Variants in CEP15 observed in about 807,000 individuals in gnomAD.
CEP15 encodes the protein centrosomal protein 15 kDa.
chr3:62,335,227 C>G, the CEP15 span: 1 of 151,810 alleles, frequency 6.6e-6, no homozygotes, highest in Non-Finnish European at 1.5e-5. Context: ...TTTTTTTCTC[C>G]CTAAAACTGA....
chr3:62,319,574 T>A, the CEP15 span: 1 of 152,250 alleles, frequency 6.6e-6, no homozygotes, highest in African/African-American at 2.4e-5. Context: ...CTACACTCAA[T>A]AAGCGTGGGC....
chr3:62,324,440 T>C, the CEP15 span, among the ~76,000 whole-genome samples: 2 of 152,138 alleles, frequency 1.3e-5, no homozygotes, highest in Non-Finnish European at 2.9e-5. Flanking sequence ...TTGCAGAATT[T>C]TGAGTTGGTA....
At chr3:62,323,917 C>T in the CEP15 span, 2 of 152,172 alleles carry the variant, frequency 1.3e-5, no homozygotes, top group African/African-American at 4.8e-5. Flanking sequence ...ATTTATTGAG[C>T]ATCTATTATA....
chr3:62,327,577 T>C, the CEP15 span, among the ~76,000 whole-genome samples: 4 of 152,178 alleles, frequency 2.6e-5, no homozygotes, highest in East Asian at 5.8e-4. Flanking sequence ...TTTTGGAACG[T>C]TGGCAGTCAT....
chr3:62,325,992 C>A, the CEP15 span, among the ~76,000 whole-genome samples: 1 of 149,220 alleles, frequency 6.7e-6, no homozygotes, highest in Non-Finnish European at 1.5e-5. Context: ...CCACTGCACT[C>A]CAGCCTGGGG....
the CEP15 span, among the ~76,000 whole-genome samples, chr3:62,327,274 A>G: frequency 6.6e-6 from 1 of 152,246 alleles, no homozygotes; most frequent in Non-Finnish European, 1.5e-5. Context: ...ATTTTCTAGT[A>G]ACCACTTTTA....
chr3:62,325,117 G>A, the CEP15 span, among the ~76,000 whole-genome samples: 48 of 152,236 alleles, frequency 3.2e-4, no homozygotes, highest in African/African-American at 1.2e-3. Flanking sequence ...TTAACAAGGG[G>A]TTTGCCTGAT....
chr3:62,333,522 T>G, the CEP15 span: 1 of 1,062,754 alleles, frequency 9.4e-7, no homozygotes, highest in Non-Finnish European at 1.3e-6. The surrounding 1 kb of genome is among the most constrained non-coding windows in gnomAD (Gnocchi z 4.0). Flanking sequence ...AGTGAAGATA[T>G]GAGAATTTAC....
chr3:62,328,569 T>G, the CEP15 span, among the ~76,000 whole-genome samples: 1 of 152,198 alleles, frequency 6.6e-6, no homozygotes, highest in Admixed American at 6.5e-5. Context: ...AATGTTCTAG[T>G]GGCAAGTCTA....
chr3:62,328,225 T>TA, the CEP15 span, among the ~76,000 whole-genome samples: 3 of 152,356 alleles, frequency 2.0e-5, no homozygotes, highest in East Asian at 5.8e-4. Flanking sequence ...ATTGCAGATT[T>TA]AAATTAAAAT....
chr3:62,333,125 C>T, the CEP15 span: 1 of 803,086 alleles, frequency 1.2e-6, no homozygotes. The surrounding 1 kb of genome is among the most constrained non-coding windows in gnomAD (Gnocchi z 4.0). Context: ...ATGCATTCTA[C>T]ATATATGTGT....
the CEP15 span, among the ~76,000 whole-genome samples, chr3:62,331,599 A>G: frequency 1.3e-5 from 2 of 152,274 alleles, no homozygotes; most frequent in African/African-American, 4.8e-5. Flanking sequence ...CTTGATTTTA[A>G]AAAGTTTAGC....
the CEP15 span, among the ~76,000 whole-genome samples, chr3:62,326,232 C>T: frequency 6.6e-6 from 1 of 152,092 alleles, no homozygotes; most frequent in Non-Finnish European, 1.5e-5. Flanking sequence ...CCAAGATGGT[C>T]GGTGACTTAC....
the CEP15 span, chr3:62,333,443 G>A: frequency 5.4e-5 from 85 of 1,566,700 alleles, no homozygotes; most frequent in Non-Finnish European, 6.7e-5. The surrounding 1 kb of genome is among the most constrained non-coding windows in gnomAD (Gnocchi z 4.0). Context: ...ATGTTAAGGT[G>A]TATGTAGGTT....
the CEP15 span, among the ~76,000 whole-genome samples, chr3:62,325,804 C>T: frequency 2.6e-4 from 39 of 152,122 alleles, 1 homozygote; most frequent in East Asian, 6.2e-3. Flanking sequence ...GAGGCCAAGG[C>T]GGGCAGATCA....
At chr3:62,327,608 T>C in the CEP15 span, among the ~76,000 whole-genome samples, 7 of 152,208 alleles carry the variant, frequency 4.6e-5, no homozygotes, top group African/African-American at 1.7e-4. Flanking sequence ...TGCCTAGATA[T>C]ATTCATTAGA....
At chr3:62,333,148 G>A in the CEP15 span, 1 of 921,384 alleles carries the variant, frequency 1.1e-6, no homozygotes, top group Non-Finnish European at 1.7e-6. This position sits in a 1 kb window ranked among gnomAD's most constrained non-coding sequence, Gnocchi z 4.0. Context: ...GTGTGTGTGT[G>A]TGTATACACG....
the CEP15 span, chr3:62,335,645 C>T: frequency 5.3e-5 from 8 of 152,058 alleles, no homozygotes; most frequent in African/African-American, 1.9e-4. Flanking sequence ...AAGGAAATGT[C>T]ATCTATTCAT....
At chr3:62,335,803 G>A in the CEP15 span, 1 of 151,854 alleles carries the variant, frequency 6.6e-6, no homozygotes, top group Non-Finnish European at 1.5e-5. Context: ...AGCCGTTTGT[G>A]GACTGTTGCA....
Sources: gnomAD v4.1 joint callset for allele counts (sites outside exome capture counted in the v4.1 genomes callset) on GRCh38, gnomAD v4.1.1 for gene constraint, Gnocchi (gnomAD v3.1) non-coding constraint, MANE v1.5 for transcripts, NCBI Gene and HGNC (gene_info 2026-07-23, HGNC 2026-07-21) for gene names.